RANBP2: variants seen among roughly 807,000 people sequenced by gnomAD.
RANBP2 encodes RAN binding protein 2.
A neutral mutation model predicts 303.6 loss-of-function variants in RANBP2; 57 were observed. That is an observed-to-expected ratio of 0.19 (90% CI 0.15 to 0.23). The LOEUF is 0.23. Among genes scored for constraint, RANBP2 ranks in the 10% least tolerant of loss-of-function variants. The probability of loss-of-function intolerance (pLI) is 1.00; values close to 1 mark genes in which losing one functional copy is unlikely to be tolerated. For synonymous variants in RANBP2, 1,167 were observed against 1,301.5 expected, an observed-to-expected ratio of 0.90 and a Z score of 2.23; for missense variants, 3,138 against 3,780.8, an observed-to-expected ratio of 0.83 and a Z score of 4.46.
the RANBP2 span, among the ~76,000 whole-genome samples, chr2:109,513,922 G>C: frequency 9.2e-5 from 14 of 152,182 alleles, no homozygotes; most frequent in Non-Finnish European, 4.4e-5. Flanking sequence ...TGGCCGATGA[G>C]CAAATCCTAG....
chr2:108,726,644 TA>T (rs1249563338), intron 1 of RANBP2, among the ~76,000 whole-genome samples: 5 of 152,030 alleles, frequency 3.3e-5, no homozygotes, highest in East Asian at 1.9e-4. Flanking sequence ...TTTTTTAATT[TA>T]TTTTTTTATT....
At chr2:109,294,200 C>T in the RANBP2 span, among the ~76,000 whole-genome samples, 12 of 152,158 alleles carry the variant, frequency 7.9e-5, no homozygotes, top group African/African-American at 2.9e-4. Context: ...ATGTCACATA[C>T]AGCTCCTTGG....
chr2:109,167,658 G>C, the RANBP2 span, among the ~76,000 whole-genome samples: 5 of 152,156 alleles, frequency 3.3e-5, no homozygotes, highest in African/African-American at 1.2e-4. Context: ...TGCAACCTCA[G>C]CTTCCTGGGT....
chr2:108,810,412 A>G, the RANBP2 span, among the ~76,000 whole-genome samples: 99 of 152,290 alleles, frequency 6.5e-4, no homozygotes, highest in African/African-American at 2.3e-3. Flanking sequence ...ATCGTAAGGT[A>G]ATTATATTTC....
the RANBP2 span, among the ~76,000 whole-genome samples, chr2:109,014,624 C>T: frequency 6.6e-6 from 1 of 152,254 alleles, no homozygotes; most frequent in Non-Finnish European, 1.5e-5. Flanking sequence ...CCACACATTT[C>T]TGACCAGGTT....
chr2:109,212,059 G>A, the RANBP2 span, among the ~76,000 whole-genome samples: 1 of 152,238 alleles, frequency 6.6e-6, no homozygotes, highest in African/African-American at 2.4e-5. Context: ...CGGAATTCCA[G>A]GGAGATAGCG....
the RANBP2 span, among the ~76,000 whole-genome samples, chr2:109,547,226 T>C: frequency 6.6e-6 from 1 of 152,210 alleles, no homozygotes; most frequent in Non-Finnish European, 1.5e-5. Context: ...CTCCAAGTCC[T>C]TTTCCTTTGT....
At chr2:109,571,539 A>G in the RANBP2 span, among the ~76,000 whole-genome samples, 3 of 152,234 alleles carry the variant, frequency 2.0e-5, no homozygotes, top group Admixed American at 6.5e-5. Flanking sequence ...AAGTATGTGT[A>G]TATCTAAACA....
the RANBP2 span, among the ~76,000 whole-genome samples, chr2:109,400,330 A>C: frequency 6.6e-6 from 1 of 152,028 alleles, no homozygotes; most frequent in African/African-American, 2.4e-5. Context: ...ATATACCTGC[A>C]CACCCACACA....
At chr2:109,010,169 T>A in the RANBP2 span, among the ~76,000 whole-genome samples, 19 of 152,228 alleles carry the variant, frequency 1.2e-4, no homozygotes, top group Admixed American at 2.0e-4. Flanking sequence ...CCTCTTCCTT[T>A]TGATCCTTTG....
chr2:108,847,059 CA>C, the RANBP2 span: 2 of 624,862 alleles, frequency 3.2e-6, no homozygotes, highest in Non-Finnish European at 5.5e-6. Context: ...ATAATGGTTA[CA>C]CATTATAAAA....
At chr2:109,007,724 TAGTAAC>T in the RANBP2 span, among the ~76,000 whole-genome samples, 3 of 152,244 alleles carry the variant, frequency 2.0e-5, no homozygotes, top group Non-Finnish European at 4.4e-5. Flanking sequence ...AAATCCCTGT[TAGTAAC>T]AGATATTTTA....
the RANBP2 span, among the ~76,000 whole-genome samples, chr2:108,982,941 C>T: frequency 1.3e-5 from 2 of 152,174 alleles, no homozygotes; most frequent in African/African-American, 4.8e-5. Context: ...CTCTCTCTCT[C>T]CAAATCTCTC....
the RANBP2 span, among the ~76,000 whole-genome samples, chr2:109,243,176 G>T: frequency 6.6e-6 from 1 of 152,240 alleles, no homozygotes; most frequent in Non-Finnish European, 1.5e-5. Flanking sequence ...AAGGGCTGAG[G>T]AAAGCTTCTT....
chr2:108,978,751 A>G, the RANBP2 span, among the ~76,000 whole-genome samples: 1 of 152,214 alleles, frequency 6.6e-6, no homozygotes, highest in Non-Finnish European at 1.5e-5. Context: ...AGGTTTTGGT[A>G]TGGAGACAGT....
At chr2:109,246,375 TC>T in the RANBP2 span, among the ~76,000 whole-genome samples, 4 of 152,174 alleles carry the variant, frequency 2.6e-5, no homozygotes, top group South Asian at 2.1e-4. Flanking sequence ...AAGGCAACTC[TC>T]CGAGGCCTCT....
At chr2:108,990,868 T>G in the RANBP2 span, among the ~76,000 whole-genome samples, 1 of 152,214 alleles carries the variant, frequency 6.6e-6, no homozygotes. Context: ...ATTATTAAAT[T>G]AGGAACCTGG....
At chr2:108,780,951 C>G (rs992958341) in intron 25 of RANBP2, among the ~76,000 whole-genome samples, 4 of 151,886 alleles carry the variant, frequency 2.6e-5, no homozygotes, top group Non-Finnish European at 4.4e-5. Context: ...TCAGGAGATG[C>G]GCTCACCTCG....
chr2:109,705,711 G>T, the RANBP2 span, among the ~76,000 whole-genome samples: 25,475 of 152,204 alleles, frequency 0.17, 2,695 homozygotes, highest in East Asian at 0.29. Context: ...GAGCCATTCT[G>T]GTTCAGTGCA....
Sources: allele counts gnomAD v4.1 joint callset (sites outside exome capture counted in the v4.1 genomes callset), GRCh38; gene constraint gnomAD v4.1.1; transcripts MANE v1.5; gene names NCBI Gene and HGNC (gene_info 2026-07-23, HGNC 2026-07-21).